Variants in IQUB observed in about 807,000 individuals in gnomAD.
The protein encoded by IQUB is IQ motif and ubiquitin-like domain-containing protein.
A neutral mutation model predicts 86.4 loss-of-function variants in IQUB; 86 were observed. That is an observed-to-expected ratio of 1.00 (90% CI 0.84 to 1.19). The LOEUF (loss-of-function observed/expected upper bound fraction) is 1.19, where lower values mean the gene tolerates loss of function less well. Among genes scored for constraint, IQUB ranks in the 50% most tolerant of loss-of-function variants. The probability of loss-of-function intolerance (pLI) is 0.00; values close to 1 mark genes in which losing one functional copy is unlikely to be tolerated. For missense variants in IQUB, 946 were observed against 916.9 expected (o/e 1.03, Z -0.41); for synonymous variants, 289 against 304.5 (o/e 0.95, Z 0.53).
At position 123,464,833 on chromosome 7, in the gene IQUB, CTT is replaced by C. The variant is rs927095397; in HGVS notation, c.1756_1757del (p.Lys586GlyfsTer10). On this transcript the variant is annotated frameshift_variant and splice_region_variant, in exon 10 of 13. Transcript: ENST00000324698. LOFTEE classifies it high-confidence loss of function. Reference sequence around the variant, plus strand: ...GAATATAGAGAAAAATGTAGAATACCTTAAGGTATTTTGCAACTTCAGGATTA... The same window carrying C: ...GAATATAGAGAAAAATGTAGAATACCAAGGTATTTTGCAACTTCAGGATTA... ...LFNPEVAKYL[K>X]VPQDPLKFYK... 5 of 1,560,336 alleles carry C rather than the reference CTT, an allele frequency of 3.2e-6. No homozygotes were observed. Among genetic ancestry groups the C allele is most frequent in the Non-Finnish European group, 4.3e-6 (5 of 1,153,092 alleles).
intron 1 of IQUB, among the ~76,000 whole-genome samples, chr7:123,528,019 C>G (rs575472331): frequency 1.8e-4 from 27 of 152,300 alleles, no homozygotes; most frequent in African/African-American, 6.3e-4. Flanking sequence ...ATCTCCTGGT[C>G]CGCCGTTTTT....
Position 123,496,872 on chromosome 7 carries a change from T to C in IQUB, c.1058A>G (p.His353Arg). The C allele has an allele frequency of 6.2e-7, 1 of 1,612,130 alleles. No homozygotes were observed. The highest frequency in any genetic ancestry group is 8.5e-7 in the Non-Finnish European group (1 of 1,179,176). ...TAAATTCTCTACGAAGATTTTAGCA[T>C]GCCATTGCCTGTAGTAAGTCTGTAT... ...IVIQTYYRQWHAKIFVENLRR... is the reference protein window; with the variant it reads ...IVIQTYYRQWRAKIFVENLRR... Residue 353 changes from histidine (H) to arginine (R), a missense_variant, in exon 7 of 13, where the codon CAT becomes CGT. His to Arg is a conservative substitution (Grantham distance 29). Transcript: ENST00000324698.
chr7:123,518,601 TACAA>T (rs1796758262), intron 1 of IQUB, among the ~76,000 whole-genome samples: 1 of 152,140 alleles, frequency 6.6e-6, no homozygotes, highest in African/African-American at 2.4e-5. Context: ...AATGTGTTAC[TACAA>T]ACATTTTTTG....
chr7:123,502,254 C>G (rs1194481147), intron 6 of IQUB: 4 of 234,168 alleles, frequency 1.7e-5, no homozygotes, highest in Non-Finnish European at 3.2e-5. Flanking sequence ...GACTACTGTC[C>G]TATTTGGTTT....
At chr7:123,476,825 G>A (rs1794765705) in intron 8 of IQUB, among the ~76,000 whole-genome samples, 1 of 151,842 alleles carries the variant, frequency 6.6e-6, no homozygotes, top group Non-Finnish European at 1.5e-5. Flanking sequence ...AATGGTAGTG[G>A]GTTTGGAAAG....
chr7:123,488,042 AC>A lies in IQUB; in HGVS notation c.1235-8073del, dbSNP rs924542943. ...TATTATTAAACACGTGGACAGCATA[AC>A]AAACAATTTTCTAAAAGAAAAGCTG... On this transcript the variant is annotated intron_variant, in intron 7 of 12. Coordinates refer to ENST00000324698, the MANE Select transcript of IQUB (RefSeq NM_178827.5). Among the ~76,000 whole-genome samples, 81 of 152,212 alleles carry A rather than the reference AC, an allele frequency of 5.3e-4. 1 individual carries two copies. The highest frequency in any genetic ancestry group is 3.5e-4 in the Non-Finnish European group (24 of 68,014).
chr7:123,502,643 C>T lies in IQUB; in HGVS notation c.977G>A (p.Gly326Glu). The change falls in exon 6 of 13, where the codon GGA becomes GAA. Residue 326 changes from glycine (G) to glutamate (E), a missense_variant. By Grantham distance (98) the Gly-to-Glu change is moderately conservative. Transcript: ENST00000324698. Reference sequence around the variant, plus strand: ...GTATTCTGCTGCTGAAAAATACTTTCCTGGTGTTACCAGTTTATCAGTCAT... The same window carrying T: ...GTATTCTGCTGCTGAAAAATACTTTTCTGGTGTTACCAGTTTATCAGTCAT... ...SNMTDKLVTP[G>E]KYFSAAEYHA... The T allele has an allele frequency of 6.2e-7, 1 of 1,612,792 alleles. No individual in the cohort carries two copies. The highest frequency in any genetic ancestry group is 8.5e-7 in the Non-Finnish European group (1 of 1,179,452).
At chr7:123,526,172 T>C (rs1173986516) in intron 1 of IQUB, among the ~76,000 whole-genome samples, 1 of 151,368 alleles carries the variant, frequency 6.6e-6, no homozygotes, top group Non-Finnish European at 1.5e-5. Flanking sequence ...AAAAAATGTA[T>C]ATTCTGTTGA....
intron 1 of IQUB, among the ~76,000 whole-genome samples, chr7:123,523,292 T>A (rs1797004328): frequency 7.4e-6 from 1 of 135,510 alleles, no homozygotes; most frequent in Non-Finnish European, 1.6e-5. Flanking sequence ...ACTTCCACAA[T>A]GGTCAAACTA....
chr7:123,489,723 CATAAGAG>C (rs972806816), intron 7 of IQUB, among the ~76,000 whole-genome samples: 1 of 149,916 alleles, frequency 6.7e-6, no homozygotes, highest in African/African-American at 2.4e-5. Flanking sequence ...CAAAAAAAAA[CATAAGAG>C]ATAAAAGTAT....
intron 9 of IQUB, 107 bp downstream of exon 9, chr7:123,469,107 T>C (rs1159338724): frequency 1.2e-6 from 1 of 804,564 alleles, no homozygotes; most frequent in Non-Finnish European, 1.8e-6. Flanking sequence ...TCCCAAATTA[T>C]ACCAAAACAA....
At chr7:123,494,319 G>A (rs948157998) in intron 7 of IQUB, among the ~76,000 whole-genome samples, 1 of 151,920 alleles carries the variant, frequency 6.6e-6, no homozygotes, top group Admixed American at 6.6e-5. Flanking sequence ...ACTACCTCGA[G>A]GAAAAGTTAA....
At chr7:123,508,228 G>A (rs1796272407) in intron 3 of IQUB, among the ~76,000 whole-genome samples, 1 of 152,182 alleles carries the variant, frequency 6.6e-6, no homozygotes, top group African/African-American at 2.4e-5. Flanking sequence ...TCTAAAAGCT[G>A]GAAGGGCAAG....
intron 7 of IQUB, among the ~76,000 whole-genome samples, chr7:123,491,046 GAAATC>G: frequency 6.6e-6 from 1 of 150,444 alleles, no homozygotes. Context: ...AATAAAATTA[GAAATC>G]AATAACAGAA....
chr7:123,464,383 C>T (rs1794147952), intron 10 of IQUB, among the ~76,000 whole-genome samples: 3 of 151,754 alleles, frequency 2.0e-5, no homozygotes. Flanking sequence ...TAAGGAACAC[C>T]AACAAGGTAT....
intron 7 of IQUB, among the ~76,000 whole-genome samples, chr7:123,488,690 T>A (rs1435868398): frequency 2.6e-5 from 4 of 152,126 alleles, no homozygotes; most frequent in Non-Finnish European, 5.9e-5. Flanking sequence ...GAGCAATCAG[T>A]ATGAGGCCTG....
rs753026777 is a variant in IQUB, at chr7:123,529,724, TAAAAAAA to T, written c.-5+4761_-5+4767del. Among the ~76,000 whole-genome samples the T allele has an allele frequency of 1.1e-3, 39 of 35,824 alleles. 1 individual carries two copies. Among genetic ancestry groups the T allele is most frequent in the Admixed American group, 4.2e-3 (8 of 1,898 alleles). The allele number at this position is 35,824 out of a possible 152,430, so 23.5% of individuals were successfully genotyped here. ...AACATAGTGAAACCCTGTCTCTACT[TAAAAAAA>T]AAAAAAAAAAAAAAAAAAAACAGGC... On this transcript the variant is annotated intron_variant, in intron 1 of 12. Transcript: ENST00000324698.
chr7:123,478,970 G>A (rs1247628995), intron 8 of IQUB, among the ~76,000 whole-genome samples: 2 of 152,086 alleles, frequency 1.3e-5, no homozygotes, highest in African/African-American at 4.8e-5. Flanking sequence ...GGAGTTCTGG[G>A]ATGCAGGTAG....
intron 12 of IQUB, among the ~76,000 whole-genome samples, chr7:123,454,951 G>A (rs368352361): frequency 1.3e-5 from 2 of 152,234 alleles, no homozygotes; most frequent in African/African-American, 4.8e-5. Context: ...CCATAATATA[G>A]TCTTTGGAAA....
Sources: allele counts gnomAD v4.1 joint callset (sites outside exome capture counted in the v4.1 genomes callset), GRCh38; gene constraint gnomAD v4.1.1; transcripts MANE v1.5; gene names NCBI Gene and HGNC (gene_info 2026-07-23, HGNC 2026-07-21).